The following NDE1 variants were observed in gnomAD, a reference collection of about 807,000 sequenced individuals.
NDE1 encodes the protein nudE neurodevelopment protein 1, also known as nuclear distribution protein nudE homolog 1.
NDE1 carries 28 observed loss-of-function variants against 43.4 expected under a neutral mutation model. That is an observed-to-expected ratio of 0.65 (90% CI 0.48 to 0.89). The LOEUF is 0.89. NDE1 is among the 40% of genes least tolerant of loss of function. The probability of loss-of-function intolerance (pLI) is 0.00; values close to 1 mark genes in which losing one functional copy is unlikely to be tolerated. For missense variants in NDE1, 441 were observed against 434.1 expected, an observed-to-expected ratio of 1.02 and a Z score of -0.14; for synonymous variants, 184 against 172.0, an observed-to-expected ratio of 1.07 and a Z score of -0.55.
intron 1 of NDE1, 67 bp from the exon 2 acceptor site, chr16:15,664,669 T>C (rs894159693): frequency 7.6e-6 from 7 of 918,362 alleles, no homozygotes; most frequent in Non-Finnish European, 1.0e-5. Flanking sequence ...TTTTTTTTTT[T>C]TTTCTGTTAA....
At chr16:15,688,222 A>G (rs2038539286) in intron 5 of NDE1, among the ~76,000 whole-genome samples, 1 of 151,954 alleles carries the variant, frequency 6.6e-6, no homozygotes, top group African/African-American at 2.4e-5. Context: ...TGGAATTGCC[A>G]GCTAGCCTAT....
intron 1 of NDE1, among the ~76,000 whole-genome samples, chr16:15,644,264 AT>A (rs1198824394): frequency 6.6e-6 from 1 of 152,164 alleles, no homozygotes; most frequent in Admixed American, 6.5e-5. Flanking sequence ...AAACGAGAAT[AT>A]TTTGCCCAAA....
In NDE1 at chr16:15,664,850, C is replaced by T; in HGVS notation, c.72C>T (p.Thr24=). 6.2e-7 allele frequency: 1 copy of T among 1,612,324 alleles called. No homozygotes were observed. The highest frequency in any genetic ancestry group is 8.5e-7 in the Non-Finnish European group (1 of 1,178,746). Residue 24 remains threonine, a synonymous_variant, in exon 2 of 9, where the codon ACC becomes ACT. Transcript: ENST00000396354. ...ACTATTGGAAAGATCTGGCGATGAC[C>T]TACAAACAGAGGTCAGTCCGAGTTC... is the stretch of plus-strand genomic sequence containing the variant. ...EANYWKDLAM[T]YKQRAENTQE... is the part of the protein sequence containing the mutation.
intron 3 of NDE1, among the ~76,000 whole-genome samples, chr16:15,673,859 A>C (rs1290073470): frequency 6.6e-6 from 1 of 152,174 alleles, no homozygotes; most frequent in African/African-American, 2.4e-5. Context: ...GAATCGAGAG[A>C]GCACGGGAAC....
At chr16:15,715,052 CT>C (rs1856164795) in intron 8 of NDE1, 1 of 1,613,400 alleles carries the variant, frequency 6.2e-7, no homozygotes. Context: ...GCCTCTTGAG[CT>C]GCTTGACCCT....
chr16:15,682,149 A>G (rs954811768), intron 4 of NDE1, among the ~76,000 whole-genome samples: 2 of 152,222 alleles, frequency 1.3e-5, no homozygotes, highest in Non-Finnish European at 2.9e-5. Context: ...GTAGAAGCCC[A>G]GTTCACCATT....
intron 1 of NDE1, among the ~76,000 whole-genome samples, chr16:15,656,190 T>TA (rs1439703773): frequency 6.6e-6 from 1 of 152,142 alleles, no homozygotes; most frequent in East Asian, 1.9e-4. Flanking sequence ...GTGCAGCTGT[T>TA]ACTTCTTCCT....
chr16:15,676,278 T>G, intron 3 of NDE1, among the ~76,000 whole-genome samples: 1 of 143,200 alleles, frequency 7.0e-6, no homozygotes, highest in East Asian at 2.1e-4. Flanking sequence ...CAGGCTGGAG[T>G]GCAGTGGTGC....
intron 3 of NDE1, among the ~76,000 whole-genome samples, chr16:15,673,120 GC>G (rs2037685388): frequency 6.6e-6 from 1 of 152,112 alleles, no homozygotes; most frequent in Non-Finnish European, 1.5e-5. Flanking sequence ...AGAGAAGTTG[GC>G]CTTTTTTAAC....
intron 8 of NDE1, chr16:15,712,882 G>GTTTTTTTTTTTTTTTTTTTGTTTTTTTT (rs59799809): frequency 1.1e-5 from 1 of 90,636 alleles, no homozygotes; most frequent in Non-Finnish European, 2.3e-5. Context: ...TTCACATACA[G>GTTTTTTTTTTTTTTTTTTTGTTTTTTTT]TTTTTTTTTT....
chr16:15,667,820 A>T (rs190172116), intron 3 of NDE1, among the ~76,000 whole-genome samples: 6 of 151,516 alleles, frequency 4.0e-5, no homozygotes, highest in African/African-American at 1.5e-4. Flanking sequence ...TTTGTAGTAG[A>T]GACGGGGTTT....
chr16:15,692,718 G>C (rs534681148), intron 6 of NDE1, among the ~76,000 whole-genome samples: 1 of 151,792 alleles, frequency 6.6e-6, no homozygotes, highest in South Asian at 2.1e-4. Context: ...CCCCAGTCTA[G>C]AGCCATTTTG....
intron 8 of NDE1, chr16:15,699,945 A>T: frequency 8.2e-7 from 1 of 1,219,714 alleles, no homozygotes; most frequent in Admixed American, 2.9e-5. Context: ...ATAGTTAGTT[A>T]GCTTTGCGGC....
intron 8 of NDE1, chr16:15,718,036 C>T (rs1245642049): frequency 3.7e-6 from 2 of 536,224 alleles, no homozygotes; most frequent in African/African-American, 3.8e-5. Context: ...GAAAGAGCAT[C>T]CCAAGGCCCG....
chr16:15,679,487 G>A (rs1169228820), intron 4 of NDE1, among the ~76,000 whole-genome samples: 1 of 151,988 alleles, frequency 6.6e-6, no homozygotes, highest in Non-Finnish European at 1.5e-5. Context: ...GTTGATAGAC[G>A]CCCTCTTCTC....
At chr16:15,695,881 CT>C in intron 7 of NDE1, 1 of 189,504 alleles carries the variant, frequency 5.3e-6, no homozygotes, top group Non-Finnish European at 9.8e-6. Flanking sequence ...AGACCAAGTC[CT>C]TACCAAACTT....
upstream of NDE1, among the ~76,000 whole-genome samples, chr16:15,647,077 G>T (rs903474057): frequency 6.6e-6 from 1 of 152,186 alleles, no homozygotes; most frequent in African/African-American, 2.4e-5. Flanking sequence ...CAAGGGGGAA[G>T]GCATCAGACG....
chr16:15,657,287 T>C (rs1247152491), intron 1 of NDE1, among the ~76,000 whole-genome samples: 2 of 151,996 alleles, frequency 1.3e-5, no homozygotes, highest in Admixed American at 6.6e-5. Flanking sequence ...TTAGTGGAAA[T>C]GGAGTTTCAC....
intron 2 of NDE1, among the ~76,000 whole-genome samples, chr16:15,665,387 A>G (rs536991310): frequency 1.3e-5 from 2 of 152,262 alleles, no homozygotes. Flanking sequence ...TTTGAACTCC[A>G]GACCTATGGT....
Sources: allele counts gnomAD v4.1 joint callset (sites outside exome capture counted in the v4.1 genomes callset), GRCh38; gene constraint gnomAD v4.1.1; transcripts MANE v1.5; gene names NCBI Gene and HGNC (gene_info 2026-07-23, HGNC 2026-07-21).